The following SKAP2 variants were observed in gnomAD, a reference collection of about 807,000 sequenced individuals.
The protein encoded by SKAP2 is src kinase-associated phosphoprotein 2.
A neutral mutation model predicts 54.9 loss-of-function variants in SKAP2; 28 were observed. The ratio of observed to expected loss-of-function variants is 0.51; its 90% CI spans 0.38 to 0.70. The LOEUF is 0.70. Among genes scored for constraint, SKAP2 ranks in the 30% least tolerant of loss-of-function variants. The probability of loss-of-function intolerance (pLI) is 0.00; values close to 1 mark genes in which losing one functional copy is unlikely to be tolerated. For synonymous variants in SKAP2, 137 were observed against 134.3 expected, an observed-to-expected ratio of 1.02 and a Z score of -0.14; for missense variants, 356 against 424.1, an observed-to-expected ratio of 0.84 and a Z score of 1.41.
chr7:26,738,611 G>A (rs1782358627), intron 6 of SKAP2, among the ~76,000 whole-genome samples, 184 bp downstream of exon 6: 2 of 151,990 alleles, frequency 1.3e-5, no homozygotes, highest in South Asian at 4.1e-4. Flanking sequence ...AGCTCTGAGG[G>A]TATTCTGGTA....
intron 4 of SKAP2, among the ~76,000 whole-genome samples, chr7:26,776,610 A>C (rs896857553): frequency 1.3e-5 from 2 of 152,088 alleles, no homozygotes; most frequent in African/African-American, 4.8e-5. Context: ...TATCTCCGAA[A>C]TATCTGAGTT....
At chr7:26,751,417 T>C (rs1782679133) in intron 4 of SKAP2, among the ~76,000 whole-genome samples, 1 of 152,220 alleles carries the variant, frequency 6.6e-6, no homozygotes, top group Non-Finnish European at 1.5e-5. Context: ...ATTTGATTAC[T>C]AAATTGAGCT....
chr7:26,785,224 T>C (rs551309677), intron 4 of SKAP2, among the ~76,000 whole-genome samples: 2 of 152,146 alleles, frequency 1.3e-5, no homozygotes, highest in Non-Finnish European at 2.9e-5. Context: ...ACTCACTCTG[T>C]TGTCCAGGCT....
At chr7:26,677,668 C>T (rs1014275484) in intron 11 of SKAP2, among the ~76,000 whole-genome samples, 1 of 152,178 alleles carries the variant, frequency 6.6e-6, no homozygotes, top group Non-Finnish European at 1.5e-5. Context: ...CTGGGATTCT[C>T]CAGGACTACA....
At chr7:26,809,737 AG>A (rs1784100640) in intron 4 of SKAP2, among the ~76,000 whole-genome samples, 2 of 152,238 alleles carry the variant, frequency 1.3e-5, no homozygotes, top group African/African-American at 4.8e-5. Context: ...CATATGATCC[AG>A]TAATCCCACT....
At chr7:26,687,464 C>T (rs1203863186) in intron 10 of SKAP2, among the ~76,000 whole-genome samples, 2 of 151,806 alleles carry the variant, frequency 1.3e-5, no homozygotes, top group African/African-American at 4.8e-5. Flanking sequence ...CAGCTACATA[C>T]ATGTATGATT....
intron 11 of SKAP2, among the ~76,000 whole-genome samples, chr7:26,676,768 T>C (rs544486348): frequency 4.6e-5 from 7 of 152,142 alleles, no homozygotes; most frequent in African/African-American, 1.7e-4. Flanking sequence ...AATCATTATA[T>C]TGAATGTTAG....
intron 9 of SKAP2, among the ~76,000 whole-genome samples, chr7:26,717,509 CA>C (rs58826714): frequency 3.5e-3 from 82 of 23,100 alleles, no homozygotes; most frequent in East Asian, 7.9e-3. Flanking sequence ...GACCCCATCT[CA>C]AAAAAAAAAA....
intron 4 of SKAP2, among the ~76,000 whole-genome samples, chr7:26,744,296 G>T (rs1005358015): frequency 7.2e-5 from 11 of 152,082 alleles, no homozygotes; most frequent in Non-Finnish European, 1.5e-4. Context: ...CAATTTCAGA[G>T]AAAAATATGA....
the SKAP2 span, among the ~76,000 whole-genome samples, chr7:26,658,579 A>T: frequency 5.3e-5 from 8 of 151,918 alleles, no homozygotes; most frequent in East Asian, 1.5e-3. Context: ...TAAAACTGAC[A>T]TGTTTACTGA....
chr7:26,715,325 G>A (rs1348342132), intron 9 of SKAP2, among the ~76,000 whole-genome samples: 11 of 146,094 alleles, frequency 7.5e-5, no homozygotes, highest in Non-Finnish European at 1.5e-4. Flanking sequence ...ATTCTATTTG[G>A]TTCTTTAAAA....
At chr7:26,815,779 T>G (rs1784253525) in intron 4 of SKAP2, among the ~76,000 whole-genome samples, 1 of 152,088 alleles carries the variant, frequency 6.6e-6, no homozygotes, top group Non-Finnish European at 1.5e-5. Context: ...TTTTTCAAGG[T>G]TTAAGTAGCC....
chr7:26,741,948 C>T (rs1247145279), intron 4 of SKAP2, among the ~76,000 whole-genome samples: 2 of 151,916 alleles, frequency 1.3e-5, no homozygotes, highest in African/African-American at 4.8e-5. Context: ...ACCCAGTAAA[C>T]ACCACACAGT....
intron 9 of SKAP2, among the ~76,000 whole-genome samples, chr7:26,692,980 C>T (rs956721410): frequency 6.6e-6 from 1 of 152,170 alleles, no homozygotes; most frequent in African/African-American, 2.4e-5. Context: ...AGGCACTCGT[C>T]CTCAGTCAAA....
intron 3 of SKAP2, among the ~76,000 whole-genome samples, chr7:26,849,931 A>C (rs1324381652): frequency 6.6e-6 from 1 of 152,156 alleles, no homozygotes; most frequent in Non-Finnish European, 1.5e-5. Context: ...ACATTATCTT[A>C]TTTCAGTACA....
At chr7:26,852,821 G>A (rs10486483) in intron 3 of SKAP2, among the ~76,000 whole-genome samples, 32,277 of 151,950 alleles carry the variant, frequency 0.21, 3,522 homozygotes, top group Non-Finnish European at 0.24. Flanking sequence ...ATGCAAGTTC[G>A]ATAATCACTG....
intron 10 of SKAP2, among the ~76,000 whole-genome samples, chr7:26,686,807 TTCCCCCACAGTAACATGCGAGGCCC>T (rs1786653457): frequency 6.6e-6 from 1 of 152,066 alleles, no homozygotes; most frequent in African/African-American, 2.4e-5. Flanking sequence ...ATGCAAGGCC[TTCCCCCACAGTAACATGCGAGGCCC>T]TCCCCCACAG....
chr7:26,659,831 TGTC>T, the SKAP2 span, among the ~76,000 whole-genome samples: 1 of 152,106 alleles, frequency 6.6e-6, no homozygotes, highest in East Asian at 1.9e-4. Flanking sequence ...TGAAAATAAA[TGTC>T]GTATTGGTAT....
chr7:26,836,135 G>A (rs955115961), intron 4 of SKAP2, among the ~76,000 whole-genome samples: 1 of 152,192 alleles, frequency 6.6e-6, no homozygotes, highest in Non-Finnish European at 1.5e-5. Flanking sequence ...AAACTGGCCA[G>A]CCATATGCAG....
Sources: gnomAD v4.1 joint callset for allele counts (sites outside exome capture counted in the v4.1 genomes callset) on GRCh38, gnomAD v4.1.1 for gene constraint, MANE v1.5 for transcripts, NCBI Gene and HGNC (gene_info 2026-07-23, HGNC 2026-07-21) for gene names.